KIRREL3: variants seen among roughly 807,000 people sequenced by gnomAD.
KIRREL3 encodes kin of IRRE-like protein 3.
In KIRREL3, 36 loss-of-function variants were observed where a neutral mutation model predicts 89.7. That is an observed-to-expected ratio of 0.40 (90% CI 0.31 to 0.53). KIRREL3 has a LOEUF of 0.53. KIRREL3 is among the 20% of genes least tolerant of loss of function. The pLI is 0.49. For synonymous variants in KIRREL3, 445 were observed against 441.4 expected, an observed-to-expected ratio of 1.01 and a Z score of -0.10; for missense variants, 864 against 1,056.6, an observed-to-expected ratio of 0.82 and a Z score of 2.53.
rs1958546125 is a variant in KIRREL3 at position 126,520,355 on chromosome 11, T to TGG, written c.433+959_433+960insCC. On this transcript the variant is annotated intron_variant, in intron 4 of 16. Coordinates refer to ENST00000525144, the MANE Select transcript of KIRREL3 (RefSeq NM_032531.4). This position sits in a 1 kb window ranked among gnomAD's most constrained non-coding sequence, Gnocchi z 4.9. Reference sequence around the variant, plus strand: ...TAAGGGGGCAGCGAGGTGGGGCAGGTAGCCCTGGAGCCCTGGCCAGGAGCC... The same window carrying TGG: ...TAAGGGGGCAGCGAGGTGGGGCAGGTGGAGCCCTGGAGCCCTGGCCAGGAGCC... Among the ~76,000 whole-genome samples, 1 of 152,002 alleles carries TGG rather than the reference T, an allele frequency of 6.6e-6. No individual in the cohort carries two copies. Among genetic ancestry groups the TGG allele is most frequent in the African/African-American group, 2.4e-5 (1 of 41,362 alleles).
chr11:126,816,109 T>C (rs1015119700), intron 1 of KIRREL3, among the ~76,000 whole-genome samples: 2 of 152,244 alleles, frequency 1.3e-5, no homozygotes, highest in African/African-American at 4.8e-5. Flanking sequence ...TTTCAACATT[T>C]ATAGAAAAAC....
intron 1 of KIRREL3, among the ~76,000 whole-genome samples, chr11:126,590,942 G>A (rs775699568): frequency 2.0e-5 from 3 of 152,210 alleles, no homozygotes; most frequent in Admixed American, 6.5e-5. Context: ...AAGTGATCTG[G>A]CTGGGTGCGG....
At chr11:126,854,012 C>G (rs1327388294) in intron 1 of KIRREL3, among the ~76,000 whole-genome samples, 1 of 151,950 alleles carries the variant, frequency 6.6e-6, no homozygotes, top group Non-Finnish European at 1.5e-5. Context: ...TCTCCTCTTA[C>G]AGCATTCAGG....
Position 126,768,309 on chromosome 11 carries a change from G to C in KIRREL3, c.56-205397C>G, listed in dbSNP as rs181230462. On this transcript the variant is annotated intron_variant, in intron 1 of 16. Transcript: ENST00000525144. The surrounding 1 kb of genome is among the most constrained non-coding windows in gnomAD (Gnocchi z 4.5). ...ATCCATCCATCCATCCATCCAATCT[G>C]TCCATCTGTCCATCCATACTGCATC... Among the ~76,000 whole-genome samples the C allele has an allele frequency of 6.6e-6, 1 of 151,536 alleles. No individual in the cohort carries two copies. Among genetic ancestry groups the C allele is most frequent in the Non-Finnish European group, 1.5e-5 (1 of 67,886 alleles).
chr11:126,552,644 T>C (rs993961579), intron 2 of KIRREL3, among the ~76,000 whole-genome samples: 2 of 132,000 alleles, frequency 1.5e-5, no homozygotes, highest in Admixed American at 1.9e-4. Flanking sequence ...TCACTGAACC[T>C]CTGCCTCCCG....
chr11:126,823,893 G>T (rs984340824), intron 1 of KIRREL3, among the ~76,000 whole-genome samples: 1 of 152,202 alleles, frequency 6.6e-6, no homozygotes, highest in African/African-American at 2.4e-5. Flanking sequence ...GCACACTCCG[G>T]GAGGCCGGGG....
chr11:126,928,253 G>C (rs1947802073), intron 1 of KIRREL3, among the ~76,000 whole-genome samples: 1 of 152,246 alleles, frequency 6.6e-6, no homozygotes, highest in Non-Finnish European at 1.5e-5. Context: ...GGAAGATCAG[G>C]AACAAAGCTC....
chr11:126,447,655 G>A (rs1056190269), intron 8 of KIRREL3, among the ~76,000 whole-genome samples: 8 of 152,130 alleles, frequency 5.3e-5, no homozygotes, highest in Admixed American at 3.9e-4. Flanking sequence ...TGTAGACCAA[G>A]CTTGGTCTAC....
rs936246612 is a variant in KIRREL3 at position 126,455,809 on chromosome 11, GAAACAAAC to G, written c.848+532_848+539del. ...GAGACTCTGTCTCAAAACAAACAAAGAAACAAACAAACAAACAAACCAACAAACCAAAC... is the reference window on the plus strand; with the variant it reads ...GAGACTCTGTCTCAAAACAAACAAAGAAACAAACAAACCAACAAACCAAAC... On this transcript the variant is annotated intron_variant, in intron 7 of 16. Coordinates refer to ENST00000525144, the MANE Select transcript of KIRREL3 (RefSeq NM_032531.4). This position sits in a 1 kb window ranked among gnomAD's most constrained non-coding sequence, Gnocchi z 6.4. 1.3e-4 allele frequency among the ~76,000 whole-genome samples: 19 copies of G among 151,806 alleles called. No individual in the cohort carries two copies. Among genetic ancestry groups the G allele is most frequent in the East Asian group, 2.0e-4 (1 of 5,100 alleles).
intron 4 of KIRREL3, among the ~76,000 whole-genome samples, chr11:126,512,168 G>T (rs534054784): frequency 2.0e-5 from 3 of 152,362 alleles, no homozygotes; most frequent in Admixed American, 2.0e-4. Context: ...TCCTGGGCCT[G>T]ACAAGGAGTG....
intron 1 of KIRREL3, among the ~76,000 whole-genome samples, chr11:126,632,582 T>C (rs184580354): frequency 6.6e-6 from 1 of 152,328 alleles, no homozygotes; most frequent in African/African-American, 2.4e-5. Context: ...GACTGACACA[T>C]TGGCAATAAC....
chr11:126,688,465 TTTC>T (rs771694195), intron 1 of KIRREL3, among the ~76,000 whole-genome samples: 1 of 152,228 alleles, frequency 6.6e-6, no homozygotes, highest in Non-Finnish European at 1.5e-5. Context: ...TGGTTGCCTA[TTTC>T]TTTTTTCTTT....
chr11:127,002,517 G>A (rs977019011), upstream of KIRREL3, among the ~76,000 whole-genome samples: 7 of 152,152 alleles, frequency 4.6e-5, no homozygotes, highest in Non-Finnish European at 1.0e-4. Flanking sequence ...CAGAGGAGAT[G>A]AAAAATAATT....
rs1213770574 is a variant in KIRREL3, at chr11:126,892,411, A to G, written c.55+108044T>C. ...TTATGACTCGATTTTAATCTGTACC[A>G]TTTAGGATATGCTCAGGAGGGGCCC... On this transcript the variant is annotated intron_variant, in intron 1 of 16. Transcript: ENST00000525144. The surrounding 1 kb of genome is among the most constrained non-coding windows in gnomAD (Gnocchi z 5.4). 1.3e-5 allele frequency among the ~76,000 whole-genome samples: 2 copies of G among 152,078 alleles called. No homozygotes were observed. The highest frequency in any genetic ancestry group is 4.8e-5 in the African/African-American group (2 of 41,406).
At chr11:126,972,204 G>GAGAGAGAGAGA (rs1555110558) in intron 1 of KIRREL3, among the ~76,000 whole-genome samples, 157 of 146,462 alleles carry the variant, frequency 1.1e-3, no homozygotes, top group Middle Eastern at 3.6e-3. Flanking sequence ...GAGAGAGAGA[G>GAGAGAGAGAGA]GACTGTGCAT....
At chr11:126,446,303 TCTCTCTCTC>T (rs1955808580) in intron 9 of KIRREL3, among the ~76,000 whole-genome samples, 1 of 148,698 alleles carries the variant, frequency 6.7e-6, no homozygotes, top group African/African-American at 2.5e-5. Context: ...TCTTTCTTTC[TCTCTCTCTC>T]TTCCTTTCTT....
intron 1 of KIRREL3, among the ~76,000 whole-genome samples, chr11:126,733,747 C>CT (rs938251991): frequency 3.9e-5 from 6 of 152,128 alleles, no homozygotes; most frequent in Admixed American, 6.5e-5. Context: ...TCCCTTAGCC[C>CT]TTTTTTTCCC....
chr11:126,658,609 G>T (rs1014715779), intron 1 of KIRREL3, among the ~76,000 whole-genome samples: 2 of 152,184 alleles, frequency 1.3e-5, no homozygotes, highest in Admixed American at 1.3e-4. Context: ...GCCCTACATT[G>T]CTGGATATAC....
intron 1 of KIRREL3, among the ~76,000 whole-genome samples, chr11:126,593,730 C>G (rs1319769152): frequency 6.6e-6 from 1 of 152,162 alleles, no homozygotes; most frequent in Non-Finnish European, 1.5e-5. Context: ...GCATATAAGC[C>G]TTAGGGAGAG....
Sources: gnomAD v4.1 joint callset for allele counts (sites outside exome capture counted in the v4.1 genomes callset) on GRCh38, gnomAD v4.1.1 for gene constraint, Gnocchi (gnomAD v3.1) non-coding constraint, MANE v1.5 for transcripts, NCBI Gene and HGNC (gene_info 2026-07-23, HGNC 2026-07-21) for gene names.